VPS13B: variants seen among roughly 807,000 people sequenced by gnomAD.
The protein encoded by VPS13B is vacuolar protein sorting 13 homolog B, also known as intermembrane lipid transfer protein VPS13B.
A neutral mutation model predicts 426.4 loss-of-function variants in VPS13B; 285 were observed. The observed-to-expected ratio is 0.67, with a 90% confidence interval of 0.61 to 0.74. VPS13B has a LOEUF of 0.74. Ranked by LOEUF, VPS13B falls within the 30% of genes least tolerant of loss-of-function variation. The pLI is 0.00. For synonymous variants in VPS13B, 1,676 were observed against 1,676.4 expected (o/e 1.00, Z 0.01); for missense variants, 4,537 against 4,782.6 (o/e 0.95, Z 1.51).
chr8:99,109,437 G>A (rs1223391755), intron 5 of VPS13B, among the ~76,000 whole-genome samples: 4 of 150,214 alleles, frequency 2.7e-5, no homozygotes, highest in African/African-American at 9.8e-5. Context: ...AGGCTGGAGT[G>A]CAGTGGTGTG....
chr8:99,483,557 A>G (rs538489944), intron 25 of VPS13B, among the ~76,000 whole-genome samples: 1 of 152,316 alleles, frequency 6.6e-6, no homozygotes, highest in South Asian at 2.1e-4. Context: ...CCTTTGGTAG[A>G]GTAATCAAAG....
At chr8:99,660,959 A>G (rs1009032516) in intron 34 of VPS13B, among the ~76,000 whole-genome samples, 1 of 152,144 alleles carries the variant, frequency 6.6e-6, no homozygotes, top group African/African-American at 2.4e-5. Flanking sequence ...TGTATCTTTG[A>G]AAATGTATAT....
chr8:99,863,584 C>A (rs1419379738), intron 58 of VPS13B, among the ~76,000 whole-genome samples: 1 of 152,104 alleles, frequency 6.6e-6, no homozygotes, highest in African/African-American at 2.4e-5. Flanking sequence ...TCTTCCCAGT[C>A]AGAGAAACCC....
At chr8:99,142,579 A>G (rs957845842) in intron 12 of VPS13B, among the ~76,000 whole-genome samples, 23 of 152,168 alleles carry the variant, frequency 1.5e-4, no homozygotes, top group African/African-American at 5.1e-4. Context: ...AAATAACCCA[A>G]TTTTCAATAG....
At chr8:99,360,241 T>TC (rs67568103) in intron 19 of VPS13B, among the ~76,000 whole-genome samples, 1 of 42,230 alleles carries the variant, frequency 2.4e-5, no homozygotes, top group Admixed American at 1.8e-4. Context: ...TTTCTCTCTC[T>TC]CCTTCCTTCC....
chr8:99,560,159 C>T (rs1383414403), intron 31 of VPS13B, among the ~76,000 whole-genome samples: 1 of 152,108 alleles, frequency 6.6e-6, no homozygotes, highest in East Asian at 1.9e-4. Flanking sequence ...ATTTTATTCT[C>T]TTTGAAGCAA....
chr8:99,701,424 CT>C (rs1832276569), intron 36 of VPS13B, among the ~76,000 whole-genome samples: 1 of 152,120 alleles, frequency 6.6e-6, no homozygotes, highest in East Asian at 1.9e-4. Flanking sequence ...ATCCTCATTG[CT>C]TTTTTTATTC....
intron 16 of VPS13B, among the ~76,000 whole-genome samples, chr8:99,192,126 T>C (rs1773785087): frequency 6.6e-6 from 1 of 152,234 alleles, no homozygotes; most frequent in Non-Finnish European, 1.5e-5. Context: ...CACAGACATA[T>C]TGAAATGTTT....
intron 16 of VPS13B, among the ~76,000 whole-genome samples, chr8:99,184,675 A>G (rs931868025): frequency 1.3e-5 from 2 of 152,200 alleles, no homozygotes; most frequent in African/African-American, 4.8e-5. Context: ...GCAAATGCTA[A>G]AATCATTGTA....
At chr8:99,295,942 A>T (rs1820011874) in intron 19 of VPS13B, among the ~76,000 whole-genome samples, 1 of 152,110 alleles carries the variant, frequency 6.6e-6, no homozygotes, top group Non-Finnish European at 1.5e-5. Context: ...CTGAGATGGA[A>T]GGAGCACTTG....
intron 30 of VPS13B, among the ~76,000 whole-genome samples, chr8:99,550,849 C>T (rs1186997313): frequency 6.6e-6 from 1 of 151,910 alleles, no homozygotes; most frequent in Non-Finnish European, 1.5e-5. Context: ...TTTGTGAATT[C>T]TCTTCTTTAA....
intron 17 of VPS13B, among the ~76,000 whole-genome samples, chr8:99,201,150 C>T (rs75257254): frequency 0.023 from 3,517 of 152,000 alleles, 58 homozygotes; most frequent in Middle Eastern, 0.078. Flanking sequence ...TTCTGTCATT[C>T]CTGTTTGCAA....
At chr8:99,440,822 C>T (rs1817645114) in intron 22 of VPS13B, among the ~76,000 whole-genome samples, 1 of 151,934 alleles carries the variant, frequency 6.6e-6, no homozygotes, top group Non-Finnish European at 1.5e-5. Flanking sequence ...AAACTAATTA[C>T]CTCACAATAT....
intron 2 of VPS13B, among the ~76,000 whole-genome samples, chr8:99,020,613 T>C (rs1203896871): frequency 6.6e-6 from 1 of 152,238 alleles, no homozygotes; most frequent in Non-Finnish European, 1.5e-5. Flanking sequence ...TTTTTGTTCT[T>C]ACATAGTATA....
At position 99,143,123 on chromosome 8, in the gene VPS13B, G is replaced by T. The variant is rs755401970; in HGVS notation, c.1801G>T (p.Ala601Ser). 1 of 1,614,028 alleles carries T rather than the reference G, an allele frequency of 6.2e-7. No individual in the cohort carries two copies. Among genetic ancestry groups the T allele is most frequent in the East Asian group, 2.2e-5 (1 of 44,830 alleles). ...TAGGATTTTGAAAATGATTGTGTGT[G>T]CCTTGGAACATGAATATGAACCATA... ...VHRILKMIVC[A>S]LEHEYEPYSR... is the part of the protein sequence containing the mutation. Residue 601 changes from alanine (A) to serine (S), a missense_variant, in exon 13 of 62, where the codon GCC becomes TCC. This residue lies in a region of VPS13B where 4,311 missense variants were observed against 4,474.3 expected (regional missense o/e 0.96). Transcript: ENST00000357162.
At chr8:99,568,186 A>G (rs7816355) in intron 31 of VPS13B, among the ~76,000 whole-genome samples, 26,728 of 151,958 alleles carry the variant, frequency 0.18, 2,860 homozygotes, top group East Asian at 0.39. Context: ...TAAGTCAGAG[A>G]GAGTTTGAAT....
chr8:99,533,261 C>A (rs1397512849), intron 30 of VPS13B, among the ~76,000 whole-genome samples: 1 of 152,030 alleles, frequency 6.6e-6, no homozygotes, highest in East Asian at 1.9e-4. Context: ...TTTTTAAAAT[C>A]ATAGTTTACT....
intron 19 of VPS13B, among the ~76,000 whole-genome samples, chr8:99,309,282 T>G (rs939873208): frequency 3.9e-5 from 6 of 152,072 alleles, no homozygotes; most frequent in African/African-American, 1.2e-4. Context: ...ATGGTATTGC[T>G]TAGGTTTTCT....
intron 39 of VPS13B, among the ~76,000 whole-genome samples, chr8:99,762,636 T>C (rs984722685): frequency 1.3e-5 from 2 of 152,208 alleles, no homozygotes; most frequent in Non-Finnish European, 2.9e-5. Context: ...TCAGAACTCT[T>C]ACAACTTACC....
Sources: gnomAD v4.1 joint callset for allele counts (sites outside exome capture counted in the v4.1 genomes callset) on GRCh38, gnomAD v4.1.1 for gene constraint, gnomAD v4.1.1 regional missense constraint, MANE v1.5 for transcripts, NCBI Gene and HGNC (gene_info 2026-07-23, HGNC 2026-07-21) for gene names.